The following ANGEL1 variants were observed in gnomAD, a reference collection of about 807,000 sequenced individuals.
ANGEL1 encodes the protein RNA 2',3'-cyclic phosphatase ANGEL1.
ANGEL1 carries 62 observed loss-of-function variants against 76.4 expected under a neutral mutation model. The observed-to-expected ratio is 0.81, with a 90% confidence interval of 0.66 to 1.00. The LOEUF (loss-of-function observed/expected upper bound fraction) is 1.00, where lower values mean the gene tolerates loss of function less well. Ranked by LOEUF, ANGEL1 falls within the 50% of genes least tolerant of loss-of-function variation. The probability of loss-of-function intolerance (pLI) is 0.00; values close to 1 mark genes in which losing one functional copy is unlikely to be tolerated. For missense variants in ANGEL1, 737 were observed against 836.7 expected (o/e 0.88, Z 1.47); for synonymous variants, 340 against 331.7 (o/e 1.03, Z -0.27).
intron 5 of ANGEL1, among the ~76,000 whole-genome samples, chr14:76,806,048 C>G (rs753272746): frequency 3.9e-5 from 6 of 152,138 alleles, no homozygotes; most frequent in Non-Finnish European, 7.4e-5. Flanking sequence ...AGAAAACAAG[C>G]TAAAAGACTA....
intron 9 of ANGEL1, among the ~76,000 whole-genome samples, chr14:76,789,739 G>A (rs551084567): frequency 1.5e-4 from 23 of 150,714 alleles, no homozygotes; most frequent in African/African-American, 5.4e-4. Context: ...TCGTTGTCCA[G>A]GCTGGAGTGC....
chr14:76,798,372 C>A (rs1894647544), intron 7 of ANGEL1, among the ~76,000 whole-genome samples: 2 of 152,086 alleles, frequency 1.3e-5, no homozygotes, highest in African/African-American at 2.4e-5. Context: ...AGTAATCCTT[C>A]CACCTCAGCC....
At chr14:76,812,284 A>G (rs1895111089) in intron 1 of ANGEL1, 1 of 990,854 alleles carries the variant, frequency 1.0e-6, no homozygotes, top group African/African-American at 1.7e-5. Context: ...GGTGGCAGTG[A>G]AAGGCGAGTG....
intron 7 of ANGEL1, among the ~76,000 whole-genome samples, chr14:76,796,363 C>A (rs1461542269): frequency 6.6e-6 from 1 of 151,352 alleles, no homozygotes; most frequent in Admixed American, 6.6e-5. Flanking sequence ...ATCCTTTTAC[C>A]TTAGCCTCTC....
chr14:76,806,763 A>T lies in ANGEL1; in HGVS notation c.1033T>A (p.Cys345Ser). The T allele has an allele frequency of 6.2e-7, 1 of 1,614,206 alleles. No homozygotes were observed. Among genetic ancestry groups the T allele is most frequent in the Non-Finnish European group, 8.5e-7 (1 of 1,180,046 alleles). Reference sequence around the variant, plus strand: ...CGGAAGTACTCCACAGGGCTAGCACAGAGCAGGCGGAATCTGGTAGGCTTG... The same window carrying T: ...CGGAAGTACTCCACAGGGCTAGCACTGAGCAGGCGGAATCTGGTAGGCTTG... ...CYKPTRFRLL[C>S]ASPVEYFRPG... is the part of the protein sequence containing the mutation. The change falls in exon 5 of 10, where the codon TGT becomes AGT. Residue 345 changes from cysteine to serine, a missense_variant. Cys to Ser is a moderately radical substitution (Grantham distance 112). This residue lies in a region of ANGEL1 where 441 missense variants were observed against 449.5 expected (regional missense o/e 0.98). Transcript: ENST00000251089.
intron 3 of ANGEL1, 48 bp downstream of exon 3, chr14:76,807,874 C>T: frequency 6.3e-7 from 1 of 1,597,470 alleles, no homozygotes; most frequent in East Asian, 2.2e-5. Flanking sequence ...TGGGCAACAG[C>T]CCAGGTCCAG....
chr14:76,807,406 G>A (rs1275970261), intron 4 of ANGEL1, 27 bp downstream of exon 4: 1 of 1,599,542 alleles, frequency 6.3e-7, no homozygotes, highest in Non-Finnish European at 8.5e-7. Flanking sequence ...AAGAAAAGCT[G>A]GCAAGCATCC....
intron 7 of ANGEL1, among the ~76,000 whole-genome samples, chr14:76,801,627 C>T (rs1357217455): frequency 6.6e-6 from 1 of 152,064 alleles, no homozygotes; most frequent in Non-Finnish European, 1.5e-5. Flanking sequence ...TAACCTTTAA[C>T]TTCTCACTGT....
chr14:76,803,606 T>C (rs1894829479), intron 6 of ANGEL1, 125 bp from the exon 7 acceptor site: 2 of 1,358,618 alleles, frequency 1.5e-6, no homozygotes, highest in Admixed American at 2.2e-5. Flanking sequence ...AAGGAGATTT[T>C]CCAAAGGCTA....
Position 76,807,443 on chromosome 14 carries a change from C to T in ANGEL1, c.936G>A (p.Leu312=), listed in dbSNP as rs752097577. 1.9e-6 allele frequency: 3 copies of T among 1,612,558 alleles called. No individual in the cohort carries two copies. In the Admixed American group the frequency reaches 5.0e-5, roughly 27 times the overall value. The change falls in exon 4 of 10, where the codon CTG becomes CTA. Residue 312 remains leucine (L), a synonymous_variant. Coordinates refer to ENST00000251089, the MANE Select transcript of ANGEL1 (RefSeq NM_015305.4). ...AGGGAGCTGCATTACCCATCATTCG[C>T]AGAGAGGGTTCCAGCTGCTCCCAGT... ...DHYWEQLEPS[L]RMMGFTCFYK... is the part of the protein sequence containing the mutation.
chr14:76,812,849 T>TC lies in ANGEL1; in HGVS notation c.-23dup. ...TCATGGCCGGCCGCCCGCGCCCGCC[T>TC]CCGCTCCTCACTGCAGCCAGCAGGT... is the stretch of plus-strand genomic sequence containing the variant. On this transcript the variant is annotated 5_prime_UTR_variant, in exon 1 of 10. Transcript: ENST00000251089. The TC allele has an allele frequency of 6.7e-7, 1 of 1,502,218 alleles. No individual in the cohort carries two copies. Among genetic ancestry groups the TC allele is most frequent in the Non-Finnish European group, 8.9e-7 (1 of 1,129,118 alleles). 93.1% of individuals were successfully genotyped at this position (1,502,218 alleles called of 1,614,324 possible). A position where few individuals can be genotyped will look rare whatever the true frequency, so the allele number is the denominator to read the frequency against.
chr14:76,804,534 CAA>C (rs1474136367), intron 5 of ANGEL1: 1 of 810,540 alleles, frequency 1.2e-6, no homozygotes, highest in Admixed American at 6.2e-5. Context: ...ATTTGAAAGC[CAA>C]AAGACACTAG....
chr14:76,804,458 T>A, intron 5 of ANGEL1: 1 of 992,638 alleles, frequency 1.0e-6, no homozygotes, highest in Non-Finnish European at 1.2e-6. Flanking sequence ...TTCGGCAACA[T>A]CAGTCATCTG....
In ANGEL1 at chr14:76,791,280, G is replaced by T; in HGVS notation, c.1688+17C>A. 1 of 1,613,820 alleles carries T rather than the reference G, an allele frequency of 6.2e-7. No individual in the cohort carries two copies. The highest frequency in any genetic ancestry group is 8.5e-7 in the Non-Finnish European group (1 of 1,179,772). The stretch of plus-strand genomic sequence containing the variant: ...CAAGGGCTGGATTGAAAACAGAAGA[G>T]AACTGGAGAAGGTTACCTGGAGAAG... On this transcript the variant is annotated intron_variant, in intron 8 of 9. Transcript: ENST00000251089.
intron 8 of ANGEL1, 143 bp from the exon 9 acceptor site, chr14:76,790,917 A>T: frequency 8.3e-7 from 1 of 1,202,770 alleles, no homozygotes; most frequent in Non-Finnish European, 1.1e-6. Flanking sequence ...CATGCTAAGA[A>T]GGGGCTGGCA....
intron 7 of ANGEL1, among the ~76,000 whole-genome samples, chr14:76,799,906 GA>G (rs11317631): frequency 0.45 from 53,368 of 119,644 alleles, 10,228 homozygotes; most frequent in Middle Eastern, 0.57. Context: ...ACTCTGTCAT[GA>G]AAAAAAAAAA....
intron 1 of ANGEL1, chr14:76,810,216 G>A (rs762223855): frequency 6.6e-6 from 3 of 454,758 alleles, no homozygotes; most frequent in South Asian, 4.7e-5. Context: ...GAGGCCAGGA[G>A]TTAGAGACCA....
chr14:76,790,309 A>G (rs981544693), intron 9 of ANGEL1, among the ~76,000 whole-genome samples: 3 of 152,212 alleles, frequency 2.0e-5, no homozygotes, highest in Admixed American at 1.3e-4. Flanking sequence ...CAAGTCCCTC[A>G]TTCAGTGGCT....
chr14:76,803,251 G>T lies in ANGEL1; in HGVS notation c.1618+120C>A, dbSNP rs1053415262. ...CAACTAACCTTCCTTCTAAATATAC[G>T]TATTACCAGAAGCTAATCTCTAAGA... On this transcript the variant is annotated intron_variant, in intron 7 of 9. Transcript: ENST00000251089. 9 of 774,384 alleles carry T rather than the reference G, an allele frequency of 1.2e-5. No individual in the cohort carries two copies. In the East Asian group the frequency reaches 1.6e-4, roughly 14 times the overall value. 48.0% of individuals were successfully genotyped at this position (774,384 alleles called of 1,614,324 possible). A position where few individuals can be genotyped will look rare whatever the true frequency, so the allele number is the denominator to read the frequency against.
Sources: allele counts gnomAD v4.1 joint callset (sites outside exome capture counted in the v4.1 genomes callset), GRCh38; gene constraint gnomAD v4.1.1; regional missense constraint gnomAD v4.1.1; transcripts MANE v1.5; gene names NCBI Gene and HGNC (gene_info 2026-07-23, HGNC 2026-07-21).